The following QPCTL variants were observed in gnomAD, a reference collection of about 807,000 sequenced individuals.
QPCTL encodes glutaminyl-peptide cyclotransferase like.
Under a neutral mutation model 34.6 loss-of-function variants are expected in QPCTL, and 31 were observed. The ratio of observed to expected loss-of-function variants is 0.90; its 90% CI spans 0.67 to 1.21. QPCTL has a LOEUF of 1.21. Among genes scored for constraint, QPCTL ranks in the 50% most tolerant of loss-of-function variants. The pLI is 0.00. For missense variants in QPCTL, 474 were observed against 507.8 expected (o/e 0.93, Z 0.64); for synonymous variants, 223 against 226.9 (o/e 0.98, Z 0.15).
At chr19:45,698,374 C>T (rs180704189) in intron 3 of QPCTL, 173 bp from the exon 4 acceptor site, 74 of 749,746 alleles carry the variant, frequency 9.9e-5, no homozygotes, top group East Asian at 2.7e-5. Flanking sequence ...CAGCCAAGTA[C>T]GGATTTGATC....
chr19:45,702,664 T>C (rs748496301), intron 6 of QPCTL, among the ~76,000 whole-genome samples: 19 of 150,678 alleles, frequency 1.3e-4, no homozygotes, highest in Non-Finnish European at 2.7e-4. Context: ...CCCGGGAGGC[T>C]AAGACGGTAG....
chr19:45,696,295 T>C (rs1967695885), intron 3 of QPCTL, among the ~76,000 whole-genome samples: 1 of 152,024 alleles, frequency 6.6e-6, no homozygotes, highest in African/African-American at 2.4e-5. Context: ...TTGCTTTGGA[T>C]AGAATGTGCT....
Position 45,701,838 on chromosome 19 carries a change from C to G in QPCTL, c.927C>G (p.Pro309=), listed in dbSNP as rs368290217. The G allele has an allele frequency of 1.2e-6, 2 of 1,614,014 alleles. No individual in the cohort carries two copies. The highest frequency in any genetic ancestry group is 1.1e-5 in the South Asian group (1 of 91,078). The change falls in exon 6 of 7, where the codon CCC becomes CCG. Residue 309 remains proline (P), a synonymous_variant. Transcript: ENST00000012049. ...GTTTGAACCTGCTGCAGTCTCATCCCCAGGAAGTGATGTACTTCCAACCCG... is the reference window on the plus strand; with the variant it reads ...GTTTGAACCTGCTGCAGTCTCATCCGCAGGAAGTGATGTACTTCCAACCCG... ...LHRLNLLQSH[P]QEVMYFQPGE...
Position 45,692,887 on chromosome 19 carries a change from C to T in QPCTL, c.184C>T (p.Leu62=), listed in dbSNP as rs1409084016. The T allele has an allele frequency of 3.9e-6, 6 of 1,544,774 alleles. No individual in the cohort carries two copies. The highest frequency in any genetic ancestry group is 4.4e-6 in the Non-Finnish European group (5 of 1,146,900). ...CGGCTGGCACCGCAGGACTGAGGAG[C>T]TGCCGCTGGGCCGGGAGCTGCGGGT... ...WSGWHRRTEE[L]PLGRELRVPL... The change falls in exon 1 of 7, where the codon CTG becomes TTG. Residue 62 remains leucine (L), a synonymous_variant. Transcript: ENST00000012049.
chr19:45,699,694 G>A (rs972061542), intron 5 of QPCTL, among the ~76,000 whole-genome samples: 6 of 151,718 alleles, frequency 4.0e-5, no homozygotes, highest in Admixed American at 6.6e-5. Context: ...ACTTTGGGAG[G>A]CCAAAGCGGG....
intron 2 of QPCTL, among the ~76,000 whole-genome samples, chr19:45,694,452 G>A (rs193066854): frequency 1.6e-4 from 23 of 144,032 alleles, no homozygotes; most frequent in African/African-American, 5.7e-4. Flanking sequence ...ACCTTGGACT[G>A]GTTTCTTTTT....
rs767910847 is a variant in QPCTL at position 45,701,866 on chromosome 19, G to A, written c.955G>A (p.Glu319Lys). ...GGAAGTGATGTACTTCCAACCCGGG[G>A]AGCCCTTTGGCTCTGTGGAAGACGA... ...PQEVMYFQPG[E>K]PFGSVEDDHI... is the part of the protein sequence containing the mutation. The change falls in exon 6 of 7, where the codon GAG (glutamate) becomes AAG (lysine). Residue 319 changes from glutamate (E) to lysine (K), a missense_variant. Glu to Lys is a moderately conservative substitution (Grantham distance 56, BLOSUM62 1). Coordinates refer to ENST00000012049, the MANE Select transcript of QPCTL (RefSeq NM_017659.4). 5.0e-6 allele frequency: 8 copies of A among 1,613,938 alleles called. No individual in the cohort carries two copies. Among genetic ancestry groups the A allele is most frequent in the Non-Finnish European group, 5.9e-6 (7 of 1,179,966 alleles).
chr19:45,695,862 T>C, intron 3 of QPCTL, 144 bp downstream of exon 3: 1 of 787,064 alleles, frequency 1.3e-6, no homozygotes, highest in Non-Finnish European at 1.9e-6. Context: ...TTTTTTTTTT[T>C]GAGACGGAGT....
In QPCTL at chr19:45,698,695, C is replaced by T. The variant is rs1217657289; in HGVS notation, c.782C>T (p.Ala261Val). Residue 261 changes from alanine to valine, a missense_variant, in exon 4 of 7, where the codon GCT becomes GTT. Physicochemically the swap from Ala to Val is moderately conservative, Grantham distance 64. Transcript: ENST00000012049. Reference sequence around the variant, plus strand: ...AGCCCCGGCCCCACCAGGATCCAGGCTATTGTAAGACCAGGGTCCCCTGGC... The same window carrying T: ...AGCCCCGGCCCCACCAGGATCCAGGTTATTGTAAGACCAGGGTCCCCTGGC... ...PHSPGPTRIQAIELFMLLDLL... is the reference protein window; with the variant it reads ...PHSPGPTRIQVIELFMLLDLL... The T allele has an allele frequency of 8.7e-6, 14 of 1,613,926 alleles. No individual in the cohort carries two copies. In the Admixed American group the frequency reaches 1.5e-4, roughly 17 times the overall value.
At chr19:45,698,248 TAAAAAAAACAAAAAACAA>T (rs1037199181) in intron 3 of QPCTL, among the ~76,000 whole-genome samples, 3 of 148,832 alleles carry the variant, frequency 2.0e-5, no homozygotes, top group Admixed American at 1.3e-4. Context: ...AGATTTATTC[TAAAAAAAACAAAAAACAA>T]AAAAAAAACA....
At position 45,692,719 on chromosome 19, in the gene QPCTL, C is replaced by A. The variant is rs768092158; in HGVS notation, c.16C>A (p.Arg6Ser). The A allele has an allele frequency of 2.7e-5, 42 of 1,550,844 alleles. No individual in the cohort carries two copies. The highest frequency in any genetic ancestry group is 3.5e-5 in the Non-Finnish European group (40 of 1,147,426). MRSGG[R>S]GRPRLRLGER... is the part of the protein sequence containing the mutation. ...CAAAGCGGCCATGCGTTCCGGGGGC[C>A]GCGGGCGACCCCGCCTGCGGCTGGG... is the stretch of plus-strand genomic sequence containing the variant. Residue 6 changes from arginine to serine, a missense_variant, in exon 1 of 7, where the codon CGC (arginine) becomes AGC (serine). Transcript: ENST00000012049.
Position 45,698,719 on chromosome 19 carries a change from G to A in QPCTL, c.786+20G>A. 1 of 1,613,872 alleles carries A rather than the reference G, an allele frequency of 6.2e-7. No homozygotes were observed. Among genetic ancestry groups the A allele is most frequent in the Non-Finnish European group, 8.5e-7 (1 of 1,179,822 alleles). ...GCTATTGTAAGACCAGGGTCCCCTGGCTTCTGGCGAGGGAGGGAGCAGGTT... is the reference window on the plus strand; with the variant it reads ...GCTATTGTAAGACCAGGGTCCCCTGACTTCTGGCGAGGGAGGGAGCAGGTT... On this transcript the variant is annotated intron_variant, in intron 4 of 6. Transcript: ENST00000012049.
intron 6 of QPCTL, 138 bp from the exon 7 acceptor site, chr19:45,702,763 CAAA>C (rs375783981): frequency 1.3e-3 from 1,030 of 820,954 alleles, no homozygotes; most frequent in South Asian, 1.4e-3. Flanking sequence ...GACTCTGTCT[CAAA>C]AAAAAAAAAA....
chr19:45,699,031 C>CTTTT (rs563977852), intron 5 of QPCTL, 131 bp downstream of exon 5: 185 of 331,744 alleles, frequency 5.6e-4, no homozygotes, highest in South Asian at 1.2e-3. Flanking sequence ...GAGACCCCAT[C>CTTTT]TTTTTTTTTT....
Position 45,702,931 on chromosome 19 carries a change from C to A in QPCTL, c.1031C>A (p.Thr344Lys). Residue 344 changes from threonine to lysine, a missense_variant, in exon 7 of 7, where the codon ACG (threonine) becomes AAG (lysine). Transcript: ENST00000012049. ...RGVPVLHLIS[T>K]PFPAVWHTPA... ...GTACCCGTGCTCCATCTCATCTCCA[C>A]GCCCTTCCCTGCTGTCTGGCACACC... 1 of 1,614,110 alleles carries A rather than the reference C, an allele frequency of 6.2e-7. No homozygotes were observed. Among genetic ancestry groups the A allele is most frequent in the Non-Finnish European group, 8.5e-7 (1 of 1,180,032 alleles).
rs773365915 is a variant in QPCTL, at chr19:45,698,543, A to G, written c.634-4A>G. 3.1e-6 allele frequency: 5 copies of G among 1,613,806 alleles called. No homozygotes were observed. The highest frequency in any genetic ancestry group is 4.2e-6 in the Non-Finnish European group (5 of 1,179,950). Reference sequence around the variant, plus strand: ...CTCTGGCCACCCCCCTGCTGCTCCCACAGGCAGCCCCGGTGACCCTGCAAC... The same window carrying G: ...CTCTGGCCACCCCCCTGCTGCTCCCGCAGGCAGCCCCGGTGACCCTGCAAC... On this transcript the variant is annotated splice_polypyrimidine_tract_variant and splice_region_variant and intron_variant, in intron 3 of 6. Transcript: ENST00000012049.
At chr19:45,699,402 C>T (rs1031134766) in intron 5 of QPCTL, among the ~76,000 whole-genome samples, 3 of 151,908 alleles carry the variant, frequency 2.0e-5, no homozygotes, top group Non-Finnish European at 4.4e-5. Context: ...TGGGGAGTAT[C>T]CTTAGAGCCT....
At position 45,692,689 on chromosome 19, in the gene QPCTL, C is replaced by T; in HGVS notation, c.-15C>T. Reference sequence around the variant, plus strand: ...TCAATCCGTGGTCTGGTACAGGTTTCAGGGCAAAGCGGCCATGCGTTCCGG... The same window carrying T: ...TCAATCCGTGGTCTGGTACAGGTTTTAGGGCAAAGCGGCCATGCGTTCCGG... On this transcript the variant is annotated 5_prime_UTR_variant, in exon 1 of 7. Transcript: ENST00000012049. 6.6e-7 allele frequency: 1 copy of T among 1,525,350 alleles called. No homozygotes were observed. The allele number at this position is 1,525,350 out of a possible 1,614,324, so 94.5% of individuals were successfully genotyped here.
Position 45,702,991 on chromosome 19 carries a change from C to T in QPCTL, c.1091C>T (p.Thr364Met), listed in dbSNP as rs117220573. ...ADTEVNLHPP[T>M]VHNLCRILAV... ...ACCGAGGTCAATCTCCACCCACCCA[C>T]GGTACACAACTTGTGCCGCATTCTC... Residue 364 changes from threonine (T) to methionine (M), a missense_variant, in exon 7 of 7, where the codon ACG becomes ATG. Physicochemically the swap from Thr to Met is moderately conservative, Grantham distance 81. Coordinates refer to ENST00000012049, the MANE Select transcript of QPCTL (RefSeq NM_017659.4). The T allele has an allele frequency of 5.4e-3, 8,729 of 1,614,094 alleles. 36 individuals carry two copies. Among genetic ancestry groups the T allele is most frequent in the Middle Eastern group, 0.013 (77 of 6,062 alleles).
Sources: allele counts gnomAD v4.1 joint callset (sites outside exome capture counted in the v4.1 genomes callset), GRCh38; gene constraint gnomAD v4.1.1; transcripts MANE v1.5; gene names NCBI Gene and HGNC (gene_info 2026-07-23, HGNC 2026-07-21).